TSGA10: variants seen among roughly 807,000 people sequenced by gnomAD.
TSGA10 encodes the protein testis-specific gene 10 protein.
TSGA10 carries 43 observed loss-of-function variants against 96.6 expected under a neutral mutation model. The observed-to-expected ratio is 0.44, with a 90% confidence interval of 0.35 to 0.57. The LOEUF is 0.57. Among genes scored for constraint, TSGA10 ranks in the 20% least tolerant of loss-of-function variants. The pLI, the probability that TSGA10 is intolerant of heterozygous loss-of-function variation, is 0.01. For missense variants in TSGA10, 703 were observed against 834.4 expected (o/e 0.84, Z 1.94); for synonymous variants, 229 against 269.9 (o/e 0.85, Z 1.48).
chr2:99,131,953 T>C (rs1360081193), intron 1 of TSGA10, among the ~76,000 whole-genome samples: 1 of 152,146 alleles, frequency 6.6e-6, no homozygotes, highest in African/African-American at 2.4e-5. Context: ...ACCATACAAC[T>C]TCATCCCAGG....
At chr2:99,143,751 A>T (rs191462120) in intron 1 of TSGA10, among the ~76,000 whole-genome samples, 119 of 152,216 alleles carry the variant, frequency 7.8e-4, no homozygotes, top group African/African-American at 2.8e-3. Flanking sequence ...GATTATATGC[A>T]TGAGCCACTG....
At chr2:99,090,338 T>C (rs140664791) in intron 10 of TSGA10, among the ~76,000 whole-genome samples, 39 of 152,184 alleles carry the variant, frequency 2.6e-4, no homozygotes, top group African/African-American at 9.2e-4. Flanking sequence ...ACAATTCTGG[T>C]AATATGACAA....
intron 19 of TSGA10, 58 bp from the exon 20 acceptor site, chr2:99,018,407 A>G (rs1331504733): frequency 2.8e-5 from 45 of 1,596,064 alleles, no homozygotes; most frequent in East Asian, 4.5e-5. Context: ...TAAAACTATC[A>G]TAAAACTAGC....
chr2:99,087,290 T>A (rs561434968), intron 10 of TSGA10, among the ~76,000 whole-genome samples: 1 of 152,212 alleles, frequency 6.6e-6, no homozygotes, highest in South Asian at 2.1e-4. Context: ...GCAGATCACC[T>A]GCAGTCAGGA....
At chr2:99,055,860 C>CAAAAAAA (rs59969222) in intron 16 of TSGA10, among the ~76,000 whole-genome samples, 3 of 90,792 alleles carry the variant, frequency 3.3e-5, no homozygotes, top group Admixed American at 1.1e-4. Context: ...ATCCAATTAA[C>CAAAAAAA]AAAAAAAAAA....
In TSGA10 at chr2:99,035,247, C is replaced by G; in HGVS notation, c.1597G>C (p.Asp533His). 2 of 1,607,926 alleles carry G rather than the reference C, an allele frequency of 1.2e-6. No homozygotes were observed. Among genetic ancestry groups the G allele is most frequent in the South Asian group, 1.1e-5 (1 of 89,332 alleles). ...TTACATACCATTTCTATTTCTTGAT[C>G]TTTAGCAACCAGCTGTCGATTAAGA... ...ELLNRQLVAKDQEIEMRENEL... is the reference protein window; with the variant it reads ...ELLNRQLVAKHQEIEMRENEL... The change falls in exon 17 of 21, where the codon GAT (aspartate) becomes CAT (histidine). Residue 533 changes from aspartate to histidine, a missense_variant. Around this residue, in one of 3 missense-constraint regions of TSGA10, gnomAD observed 585 missense variants for 656.8 expected, o/e 0.89. Transcript: ENST00000393483.
chr2:99,035,988 C>T (rs2081590426), intron 16 of TSGA10, among the ~76,000 whole-genome samples: 1 of 152,020 alleles, frequency 6.6e-6, no homozygotes, highest in African/African-American at 2.4e-5. Context: ...TATATATCCA[C>T]ATTATAGGAA....
intron 1 of TSGA10, chr2:99,147,569 G>T (rs1304592092): frequency 8.1e-7 from 1 of 1,227,620 alleles, no homozygotes; most frequent in African/African-American, 1.5e-5. Context: ...GAAGTTTAAT[G>T]TGCAAATTGA....
intron 1 of TSGA10, chr2:99,147,450 T>C (rs1389376198): frequency 6.2e-7 from 1 of 1,613,686 alleles, no homozygotes; most frequent in African/African-American, 1.3e-5. Context: ...AGGCCCCCAA[T>C]AGACTTGTTC....
At chr2:99,067,690 T>A (rs2085422204) in intron 15 of TSGA10, among the ~76,000 whole-genome samples, 1 of 151,932 alleles carries the variant, frequency 6.6e-6, no homozygotes, top group Non-Finnish European at 1.5e-5. Context: ...CCGTCTCTAC[T>A]AAAAATACAA....
At chr2:99,087,623 G>C (rs555851772) in intron 10 of TSGA10, among the ~76,000 whole-genome samples, 14 of 152,180 alleles carry the variant, frequency 9.2e-5, no homozygotes, top group Non-Finnish European at 1.3e-4. Flanking sequence ...AGGAGTTTGA[G>C]GCTACAGTGA....
At chr2:99,117,901 T>G (rs2092360703) in intron 3 of TSGA10, 142 bp from the exon 4 acceptor site, 1 of 193,694 alleles carries the variant, frequency 5.2e-6, no homozygotes, top group Admixed American at 6.5e-5. Flanking sequence ...CCTTCTGAAT[T>G]TTGTACCATG....
chr2:99,114,986 A>T (rs774760632), intron 4 of TSGA10, among the ~76,000 whole-genome samples: 1 of 152,136 alleles, frequency 6.6e-6, no homozygotes, highest in Non-Finnish European at 1.5e-5. Flanking sequence ...CTCAGGCTAG[A>T]GCGTGACGTG....
intron 12 of TSGA10, among the ~76,000 whole-genome samples, chr2:99,074,072 G>T (rs1208846155): frequency 1.4e-5 from 2 of 141,936 alleles, no homozygotes; most frequent in African/African-American, 5.4e-5. Flanking sequence ...GAGTGCGAGG[G>T]CGCGATCTCG....
intron 12 of TSGA10, among the ~76,000 whole-genome samples, chr2:99,077,522 A>G (rs1269659564): frequency 2.0e-5 from 3 of 152,120 alleles, no homozygotes; most frequent in Non-Finnish European, 2.9e-5. Flanking sequence ...CTAGAAAATA[A>G]TATCAGTATC....
rs543009396 is a variant in TSGA10, at chr2:99,074,742, C to T, written c.883-1669G>A. On this transcript the variant is annotated intron_variant, in intron 12 of 20. Transcript: ENST00000393483. ...TTGAGAGGGTGAGGCAGGCGGAACA[C>T]GAGGTCAGGAGTTTGAGACCAGCCT... Among the ~76,000 whole-genome samples the T allele has an allele frequency of 1.3e-3, 205 of 152,090 alleles. 3 individuals are homozygous for T. Among genetic ancestry groups the T allele is most frequent in the African/African-American group, 4.5e-3 (185 of 41,486 alleles).
At chr2:99,110,215 G>C (rs1036397836) in intron 5 of TSGA10, among the ~76,000 whole-genome samples, 3 of 152,158 alleles carry the variant, frequency 2.0e-5, no homozygotes, top group African/African-American at 7.2e-5. Flanking sequence ...TAGCATCTAA[G>C]TTTTGTCCAA....
chr2:99,088,383 G>C (rs2088839860), intron 10 of TSGA10, among the ~76,000 whole-genome samples: 1 of 152,118 alleles, frequency 6.6e-6, no homozygotes, highest in Non-Finnish European at 1.5e-5. Flanking sequence ...TATTATCATA[G>C]GTATGTATAT....
intron 10 of TSGA10, among the ~76,000 whole-genome samples, chr2:99,087,498 C>T (rs909203869): frequency 2.0e-5 from 3 of 152,066 alleles, no homozygotes; most frequent in East Asian, 3.9e-4. Flanking sequence ...AAAAGTAAAA[C>T]GCCGTCTGAA....
Sources: gnomAD v4.1 joint callset for allele counts (sites outside exome capture counted in the v4.1 genomes callset) on GRCh38, gnomAD v4.1.1 for gene constraint, gnomAD v4.1.1 regional missense constraint, MANE v1.5 for transcripts, NCBI Gene and HGNC (gene_info 2026-07-23, HGNC 2026-07-21) for gene names.